The following MRTFA variants were observed in gnomAD, a reference collection of about 807,000 sequenced individuals.
MRTFA encodes the protein myocardin related transcription factor A, also known as myocardin-related transcription factor A.
In MRTFA, 20 loss-of-function variants were observed where a neutral mutation model predicts 83.5. The ratio of observed to expected loss-of-function variants is 0.24; its 90% CI spans 0.17 to 0.35. The LOEUF (loss-of-function observed/expected upper bound fraction) is 0.35. Among genes scored for constraint, MRTFA ranks in the 10% least tolerant of loss-of-function variants. MRTFA has a pLI of 1.00. For missense variants in MRTFA, 1,200 were observed against 1,224.7 expected, an observed-to-expected ratio of 0.98 and a Z score of 0.30; for synonymous variants, 659 against 541.2, an observed-to-expected ratio of 1.22 and a Z score of -3.02.
At chr22:40,426,302 C>A (rs2052952944) in intron 7 of MRTFA, among the ~76,000 whole-genome samples, 1 of 152,116 alleles carries the variant, frequency 6.6e-6, no homozygotes, top group Admixed American at 6.5e-5. Context: ...CTCCTCCCTC[C>A]TCTTCCTCTG....
intron 4 of MRTFA, among the ~76,000 whole-genome samples, chr22:40,455,835 T>A (rs192592322): frequency 9.2e-5 from 14 of 151,604 alleles, no homozygotes; most frequent in Non-Finnish European, 1.8e-4. Context: ...TATGTATGTA[T>A]GTATGTATGT....
At chr22:40,617,493 G>A (rs1303221768) in intron 1 of MRTFA, among the ~76,000 whole-genome samples, 9 of 151,964 alleles carry the variant, frequency 5.9e-5, no homozygotes, top group East Asian at 3.9e-4. Flanking sequence ...TTGGGAGGCC[G>A]AGGCCGGTGG....
chr22:40,600,574 A>C (rs544196508), intron 1 of MRTFA, among the ~76,000 whole-genome samples: 2 of 152,234 alleles, frequency 1.3e-5, no homozygotes, highest in African/African-American at 2.4e-5. Context: ...GGGAGAGAGA[A>C]AATAAAGAAG....
chr22:40,569,760 CATACATACATA>C (rs1569333101), intron 2 of MRTFA: 25 of 151,154 alleles, frequency 1.7e-4, no homozygotes, highest in African/African-American at 5.6e-4. Context: ...TACATACATA[CATACATACATA>C]CATACATCAA....
intron 2 of MRTFA, among the ~76,000 whole-genome samples, chr22:40,567,565 G>A (rs946937613): frequency 2.0e-5 from 3 of 152,148 alleles, no homozygotes; most frequent in Admixed American, 2.0e-4. Context: ...AAAACTCCAT[G>A]CAGCAATCAG....
intron 4 of MRTFA, among the ~76,000 whole-genome samples, chr22:40,443,161 A>G (rs942157577): frequency 1.3e-5 from 2 of 152,166 alleles, no homozygotes; most frequent in African/African-American, 4.8e-5. Flanking sequence ...CTGAGGCAGG[A>G]GAATTGCTTG....
At chr22:40,563,092 A>G (rs1415685645) in intron 2 of MRTFA, among the ~76,000 whole-genome samples, 1 of 152,164 alleles carries the variant, frequency 6.6e-6, no homozygotes, top group Non-Finnish European at 1.5e-5. Flanking sequence ...TGCCTCTTCA[A>G]TTACAACAGT....
In MRTFA at chr22:40,519,341, C is replaced by T. The variant is rs901978262; in HGVS notation, c.241+32765G>A. 2.2e-5 allele frequency: 23 copies of T among 1,063,006 alleles called. 1 individual carries two copies. In the Admixed American group the frequency reaches 3.5e-4, roughly 16 times the overall value. 65.8% of individuals were successfully genotyped at this position (1,063,006 alleles called of 1,614,324 possible). On this transcript the variant is annotated intron_variant, in intron 3 of 14. Transcript: ENST00000355630. ...AGAGATGGTCCTTCTCACTTAGAGA[C>T]TACCCTCTAGAACTCTTCTCAAACC...
chr22:40,584,835 G>C (rs2056004571), intron 2 of MRTFA, among the ~76,000 whole-genome samples: 1 of 151,788 alleles, frequency 6.6e-6, no homozygotes, highest in East Asian at 1.9e-4. Context: ...CTTGAGGTCA[G>C]GAGTTTAGGA....
Position 40,411,327 on chromosome 22 carries a change from A to T in MRTFA, c.*63T>A. On this transcript the variant is annotated 3_prime_UTR_variant, in exon 15 of 15. Transcript: ENST00000355630. ...ATGTGGAGAGGCCGAATCACGCAGG[A>T]GAGCCACGCATTGGAGTACCCTGGC... 2 of 1,478,526 alleles carry T rather than the reference A, an allele frequency of 1.4e-6. No individual in the cohort carries two copies. Among genetic ancestry groups the T allele is most frequent in the Non-Finnish European group, 1.8e-6 (2 of 1,099,542 alleles). The allele number at this position is 1,478,526 out of a possible 1,614,324, so 91.6% of individuals were successfully genotyped here.
At chr22:40,584,197 G>C (rs1299582054) in intron 2 of MRTFA, among the ~76,000 whole-genome samples, 2 of 152,140 alleles carry the variant, frequency 1.3e-5, no homozygotes, top group African/African-American at 4.8e-5. Flanking sequence ...TGAATTTTAG[G>C]ATTTGAAGAA....
chr22:40,558,930 C>A (rs1322979169), intron 2 of MRTFA, among the ~76,000 whole-genome samples: 6 of 151,812 alleles, frequency 4.0e-5, no homozygotes, highest in African/African-American at 1.2e-4. Context: ...GGATTACAGG[C>A]ACGCAACACT....
chr22:40,531,184 G>A (rs776343779), intron 3 of MRTFA, among the ~76,000 whole-genome samples: 1 of 150,914 alleles, frequency 6.6e-6, no homozygotes, highest in Non-Finnish European at 1.5e-5. Flanking sequence ...TTGCAGCCTC[G>A]ACCTCCTGGG....
intron 3 of MRTFA, among the ~76,000 whole-genome samples, chr22:40,476,180 A>G (rs1055097125): frequency 6.6e-6 from 1 of 151,254 alleles, no homozygotes; most frequent in Non-Finnish European, 1.5e-5. Flanking sequence ...AAAGTATTTT[A>G]TCTTCATGAT....
At chr22:40,417,175 C>T in intron 13 of MRTFA, 129 bp from the exon 14 acceptor site, 2 of 1,365,128 alleles carry the variant, frequency 1.5e-6, no homozygotes, top group Non-Finnish European at 2.0e-6. Flanking sequence ...ATGGGCGTGC[C>T]CGGACTCCTG....
At chr22:40,564,947 G>A (rs773484214) in intron 2 of MRTFA, among the ~76,000 whole-genome samples, 52 of 151,990 alleles carry the variant, frequency 3.4e-4, no homozygotes, top group Non-Finnish European at 6.5e-4. Flanking sequence ...CACCCTGCCT[G>A]GCCAAAGTTC....
At chr22:40,631,118 T>C (rs2056637122) in intron 1 of MRTFA, among the ~76,000 whole-genome samples, 2 of 152,208 alleles carry the variant, frequency 1.3e-5, no homozygotes, top group Admixed American at 1.3e-4. Context: ...TTCACCTAAA[T>C]AAAGCCACTG....
At chr22:40,569,642 G>A (rs2055756104) in intron 2 of MRTFA, 1 of 152,464 alleles carries the variant, frequency 6.6e-6, no homozygotes, top group South Asian at 2.1e-4. Context: ...TTGAAACTGA[G>A]AGATGGAGTT....
intron 1 of MRTFA, among the ~76,000 whole-genome samples, chr22:40,634,245 G>A (rs930600327): frequency 1.3e-5 from 2 of 152,024 alleles, no homozygotes; most frequent in African/African-American, 4.8e-5. Flanking sequence ...AAGCCACCAC[G>A]TCTGCTAATT....
Sources: gnomAD v4.1 joint callset for allele counts (sites outside exome capture counted in the v4.1 genomes callset) on GRCh38, gnomAD v4.1.1 for gene constraint, MANE v1.5 for transcripts, NCBI Gene and HGNC (gene_info 2026-07-23, HGNC 2026-07-21) for gene names.